Variants in CATSPERG observed in about 807,000 individuals in gnomAD.
The protein encoded by CATSPERG is catsper channel auxiliary subunit gamma.
In CATSPERG, 115 loss-of-function variants were observed where a neutral mutation model predicts 145.0. The ratio of observed to expected loss-of-function variants is 0.79; its 90% confidence interval spans 0.68 to 0.93. The LOEUF (loss-of-function observed/expected upper bound fraction) is 0.93. Among genes scored for constraint, CATSPERG ranks in the 40% least tolerant of loss-of-function variants. The pLI is 0.00. For missense variants in CATSPERG, 1,296 were observed against 1,490.1 expected (o/e 0.87, Z 2.14); for synonymous variants, 588 against 589.0 (o/e 1.00, Z 0.02).
At chr19:38,358,010 C>G in intron 11 of CATSPERG, 1 of 449,918 alleles carries the variant, frequency 2.2e-6, no homozygotes, top group Non-Finnish European at 4.0e-6. Flanking sequence ...CCCAGCTACT[C>G]CATAGGCTGA....
chr19:38,367,636 C>T, intron 24 of CATSPERG, 45 bp from the exon 25 acceptor site: 1 of 1,611,550 alleles, frequency 6.2e-7, no homozygotes, highest in Non-Finnish European at 8.5e-7. Flanking sequence ...GGGTGCAGGA[C>T]TCGAGACCCG....
chr19:38,365,166 G>A (rs1160112066), intron 22 of CATSPERG, 49 bp downstream of exon 22: 1 of 1,505,342 alleles, frequency 6.6e-7, no homozygotes, highest in African/African-American at 1.4e-5. Flanking sequence ...GTTGGGGTCG[G>A]GTCTCAACAG....
chr19:38,368,006 C>T (rs775144127), intron 25 of CATSPERG, 42 bp from the exon 26 acceptor site: 3 of 1,584,202 alleles, frequency 1.9e-6, no homozygotes, highest in Non-Finnish European at 1.7e-6. Flanking sequence ...CTCCCCTACA[C>T]CGCCCCCCAA....
chr19:38,354,406 T>C (rs1042848415), intron 8 of CATSPERG, among the ~76,000 whole-genome samples: 23 of 152,208 alleles, frequency 1.5e-4, no homozygotes, highest in Admixed American at 1.2e-3. Context: ...GAGCATCTTG[T>C]TGCGGATTGC....
intron 20 of CATSPERG, among the ~76,000 whole-genome samples, chr19:38,364,419 A>ACGCT (rs1328913053): frequency 6.7e-6 from 1 of 150,074 alleles, no homozygotes; most frequent in Non-Finnish European, 1.5e-5. Flanking sequence ...CCGGGCAGAG[A>ACGCT]CGCTCCTCAC....
At chr19:38,359,441 C>T (rs373323238) in intron 13 of CATSPERG, 29 bp from the exon 14 acceptor site, 53 of 1,483,312 alleles carry the variant, frequency 3.6e-5, no homozygotes, top group Non-Finnish European at 4.1e-5. Flanking sequence ...GTCCAGCATG[C>T]GCCTAGCTCT....
At chr19:38,358,156 A>G (rs4802351) in intron 11 of CATSPERG, 122 bp from the exon 12 acceptor site, 149,016 of 901,964 alleles carry the variant, frequency 0.17, 12,791 homozygotes, top group South Asian at 0.24. Context: ...GGACTAGCAA[A>G]CCCGAGTGGG....
chr19:38,345,671 AT>A (rs36061443), intron 6 of CATSPERG, among the ~76,000 whole-genome samples: 596 of 140,834 alleles, frequency 4.2e-3, no homozygotes, highest in African/African-American at 9.0e-3. Flanking sequence ...CACCCAGCTA[AT>A]TTTTTTTTTT....
chr19:38,367,072 G>GT, intron 22 of CATSPERG, 84 bp from the exon 23 acceptor site: 1 of 1,307,958 alleles, frequency 7.6e-7, no homozygotes, highest in Non-Finnish European at 1.0e-6. Flanking sequence ...TTGTGGGAGG[G>GT]GGACTGTCCT....
rs1863187500 is a variant in CATSPERG at position 38,337,573 on chromosome 19, G to A, written c.271-20G>A. On this transcript the variant is annotated intron_variant, in intron 2 of 28. Coordinates refer to ENST00000409235, the MANE Select transcript of CATSPERG (RefSeq NM_021185.5). The stretch of plus-strand genomic sequence containing the variant: ...GCACTCCACTCATTTCTGGACGTGT[G>A]GCCTAACCTCTCTTTGCAGAAATAC... 1 of 1,551,624 alleles carries A rather than the reference G, an allele frequency of 6.4e-7. No individual in the cohort carries two copies. Among genetic ancestry groups the A allele is most frequent in the Non-Finnish European group, 8.7e-7 (1 of 1,147,016 alleles).
Position 38,344,014 on chromosome 19 carries a change from T to G in CATSPERG, c.491T>G (p.Val164Gly). Residue 164 changes from valine (V) to glycine (G), a missense_variant, in exon 5 of 29, where the codon GTG becomes GGG. Transcript: ENST00000409235. Reference protein sequence around the residue: ...RSKEPCMAEEVCSMSWYTPMP... With the variant: ...RSKEPCMAEEGCSMSWYTPMP... ...GCAGAGCCATGCATGGCAGAAGAAG[T>G]GTGTAGCATGAGCTGGTACACGCCC... is the stretch of plus-strand genomic sequence containing the variant. 1 of 1,550,712 alleles carries G rather than the reference T, an allele frequency of 6.4e-7. No homozygotes were observed. The highest frequency in any genetic ancestry group is 8.7e-7 in the Non-Finnish European group (1 of 1,146,812).
Position 38,362,776 on chromosome 19 carries a change from A to C in CATSPERG, c.2419A>C (p.Ile807Leu). Residue 807 changes from isoleucine to leucine, a missense_variant, in exon 20 of 29, where the codon ATC (isoleucine) becomes CTC (leucine). Transcript: ENST00000409235. Reference protein sequence around the residue: ...VGVVLADPGCIEASVKQEVLI... With the variant: ...VGVVLADPGCLEASVKQEVLI... The stretch of plus-strand genomic sequence containing the variant: ...CGTGGTGCTGGCCGACCCCGGCTGC[A>C]TCGAGGCCTCGGTGAAGCAGGAGGT... 1 of 1,613,686 alleles carries C rather than the reference A, an allele frequency of 6.2e-7. No homozygotes were observed. Among genetic ancestry groups the C allele is most frequent in the Non-Finnish European group, 8.5e-7 (1 of 1,179,960 alleles).
rs1969865246 is a variant in CATSPERG at position 38,337,663 on chromosome 19, C to A, written c.324+17C>A. 2 of 1,549,304 alleles carry A rather than the reference C, an allele frequency of 1.3e-6. No individual in the cohort carries two copies. Among genetic ancestry groups the A allele is most frequent in the Non-Finnish European group, 1.7e-6 (2 of 1,144,832 alleles). The stretch of plus-strand genomic sequence containing the variant: ...GAGGAAAAGGTGAGTGGGTGCAGCA[C>A]GGATAGGCTCATTCTATGAGCCTTG... On this transcript the variant is annotated intron_variant, in intron 3 of 28. Transcript: ENST00000409235.
At chr19:38,352,117 T>C in intron 7 of CATSPERG, 144 bp from the exon 8 acceptor site, 1 of 762,096 alleles carries the variant, frequency 1.3e-6, no homozygotes, top group Admixed American at 2.5e-5. Context: ...AAGGTGCTGC[T>C]GCGGGGTGAG....
At chr19:38,359,645 T>G in intron 14 of CATSPERG, 64 bp downstream of exon 14, 2 of 1,504,514 alleles carry the variant, frequency 1.3e-6, no homozygotes, top group Non-Finnish European at 1.8e-6. Flanking sequence ...GGGGCCCCTC[T>G]TTCCCCCGTC....
chr19:38,364,839 G>T, intron 20 of CATSPERG, 52 bp from the exon 21 acceptor site: 2 of 1,403,840 alleles, frequency 1.4e-6, no homozygotes, highest in South Asian at 2.3e-5. Context: ...GTTGGACTTT[G>T]GGGAGACCTG....
intron 9 of CATSPERG, 57 bp from the exon 10 acceptor site, chr19:38,356,427 A>G (rs1970243902): frequency 6.4e-7 from 1 of 1,568,788 alleles, no homozygotes; most frequent in Non-Finnish European, 8.8e-7. Context: ...AGTTGGCTTG[A>G]TGGGCTGCCA....
chr19:38,343,659 A>G lies in CATSPERG; in HGVS notation c.404A>G (p.Asn135Ser). Residue 135 changes from asparagine (N) to serine (S), a missense_variant, in exon 4 of 29, where the codon AAC becomes AGC. By Grantham distance (46) the Asn-to-Ser change is conservative. Transcript: ENST00000409235. ...CTGGTCACCTTCCAGTCCCCAGTCA[A>G]CTTCTACCGCTGGAAGATAGAGCAG... ...LVLVTFQSPVNFYRWKIEQLQ... is the reference protein window; with the variant it reads ...LVLVTFQSPVSFYRWKIEQLQ... 6.4e-7 allele frequency: 1 copy of G among 1,551,496 alleles called. No homozygotes were observed. Among genetic ancestry groups the G allele is most frequent in the Non-Finnish European group, 8.7e-7 (1 of 1,146,966 alleles).
At chr19:38,353,834 A>C (rs1439536107) in intron 8 of CATSPERG, among the ~76,000 whole-genome samples, 1 of 148,582 alleles carries the variant, frequency 6.7e-6, no homozygotes, top group Non-Finnish European at 1.5e-5. Context: ...TCTACTAAAA[A>C]TACAAAAATT....
Sources: gnomAD v4.1 joint callset for allele counts (sites outside exome capture counted in the v4.1 genomes callset) on GRCh38, gnomAD v4.1.1 for gene constraint, MANE v1.5 for transcripts, NCBI Gene and HGNC (gene_info 2026-07-23, HGNC 2026-07-21) for gene names.